Variants in CHCHD3 observed in about 807,000 individuals in gnomAD.
CHCHD3 encodes the protein MICOS complex subunit MIC19.
Under a neutral mutation model 38.2 loss-of-function variants are expected in CHCHD3, and 20 were observed. The ratio of observed to expected loss-of-function variants is 0.52; its 90% CI spans 0.37 to 0.76. CHCHD3 has a LOEUF of 0.76. CHCHD3 is among the 30% of genes least tolerant of loss of function. The probability of loss-of-function intolerance (pLI) is 0.00; values close to 1 mark genes in which losing one functional copy is unlikely to be tolerated. For synonymous variants in CHCHD3, 82 were observed against 100.0 expected (o/e 0.82, Z 1.07); for missense variants, 245 against 279.2 (o/e 0.88, Z 0.87).
At chr7:132,884,088 C>T (rs1809145252) in intron 5 of CHCHD3, among the ~76,000 whole-genome samples, 1 of 152,102 alleles carries the variant, frequency 6.6e-6, no homozygotes, top group African/African-American at 2.4e-5. Context: ...GAATTACTGC[C>T]GTAATTTCTT....
chr7:132,937,141 T>C (rs1480384695), intron 4 of CHCHD3, among the ~76,000 whole-genome samples: 1 of 152,180 alleles, frequency 6.6e-6, no homozygotes, highest in Non-Finnish European at 1.5e-5. Flanking sequence ...TTCATTCAGT[T>C]GTACAGTTTA....
At chr7:133,023,996 G>A (rs1297714360) in intron 3 of CHCHD3, among the ~76,000 whole-genome samples, 2 of 151,974 alleles carry the variant, frequency 1.3e-5, no homozygotes, top group East Asian at 3.9e-4. Flanking sequence ...TGTGTGCAGA[G>A]GAAAAAATCT....
At chr7:132,884,814 T>A (rs10954397) in intron 5 of CHCHD3, among the ~76,000 whole-genome samples, 30,474 of 152,134 alleles carry the variant, frequency 0.2, 3,442 homozygotes, top group South Asian at 0.27. Context: ...TCTGTCCAAT[T>A]CTAGACCCAT....
intron 4 of CHCHD3, among the ~76,000 whole-genome samples, chr7:132,954,117 G>C (rs1232098843): frequency 6.6e-6 from 1 of 152,152 alleles, no homozygotes; most frequent in Admixed American, 6.5e-5. Context: ...CAGGCAGAGG[G>C]ACAGGCAGGA....
intron 6 of CHCHD3, among the ~76,000 whole-genome samples, chr7:132,811,048 T>A (rs1325662429): frequency 1.3e-5 from 2 of 152,168 alleles, no homozygotes; most frequent in Non-Finnish European, 2.9e-5. Context: ...CCTTGGCTAA[T>A]GTGCTGGCCT....
intron 6 of CHCHD3, among the ~76,000 whole-genome samples, chr7:132,811,424 C>T (rs914602650): frequency 6.6e-6 from 1 of 152,254 alleles, no homozygotes; most frequent in African/African-American, 2.4e-5. Context: ...AAAGGAAATG[C>T]ATGTTAAATT....
At position 132,901,341 on chromosome 7, in the gene CHCHD3, TCA is replaced by T. The variant is rs748532221; in HGVS notation, c.370-15598_370-15597del. Among the ~76,000 whole-genome samples the T allele has an allele frequency of 9.8e-4, 149 of 151,974 alleles. 1 individual carries two copies. The highest frequency in any genetic ancestry group is 1.8e-3 in the Non-Finnish European group (123 of 67,948). ...GAAGAGAATGCGCTCAAAGCACGAGTCATCTGAATAGAAAGCAACAGCGCACA... is the reference window on the plus strand; with the variant it reads ...GAAGAGAATGCGCTCAAAGCACGAGTTCTGAATAGAAAGCAACAGCGCACA... On this transcript the variant is annotated intron_variant, in intron 4 of 7. Coordinates refer to ENST00000262570, the MANE Select transcript of CHCHD3 (RefSeq NM_017812.4).
At chr7:132,954,136 G>A (rs1175958710) in intron 4 of CHCHD3, among the ~76,000 whole-genome samples, 1 of 152,094 alleles carries the variant, frequency 6.6e-6, no homozygotes, top group East Asian at 1.9e-4. Context: ...GAGGGTTAGG[G>A]CAGCAGCAGG....
intron 3 of CHCHD3, among the ~76,000 whole-genome samples, chr7:133,004,978 C>T (rs1481960256): frequency 6.6e-6 from 1 of 151,842 alleles, no homozygotes; most frequent in Non-Finnish European, 1.5e-5. Flanking sequence ...ATTAAAAATA[C>T]ATTATAAAAG....
chr7:133,077,432 A>C (rs1050392972), intron 1 of CHCHD3, among the ~76,000 whole-genome samples: 1 of 152,194 alleles, frequency 6.6e-6, no homozygotes, highest in Admixed American at 6.5e-5. Context: ...TACGTTCCAT[A>C]TTAAGTATCC....
intron 3 of CHCHD3, among the ~76,000 whole-genome samples, chr7:133,017,239 C>T (rs893465733): frequency 6.6e-6 from 1 of 152,150 alleles, no homozygotes; most frequent in African/African-American, 2.4e-5. Flanking sequence ...ATGATGACAG[C>T]CTATATGATT....
chr7:132,998,874 T>C (rs576758795), intron 3 of CHCHD3, among the ~76,000 whole-genome samples: 179 of 152,272 alleles, frequency 1.2e-3, no homozygotes, highest in Middle Eastern at 0.01. Context: ...TTGCAAACAA[T>C]CCTGTCTTAA....
intron 5 of CHCHD3, 119 bp downstream of exon 5, chr7:132,885,543 C>T: frequency 5.3e-6 from 4 of 760,378 alleles, no homozygotes; most frequent in Non-Finnish European, 8.1e-6. Context: ...TGCTTCTTCA[C>T]TTCCTGGCCA....
chr7:132,878,696 A>G (rs1808975421), intron 5 of CHCHD3, among the ~76,000 whole-genome samples: 1 of 152,186 alleles, frequency 6.6e-6, no homozygotes, highest in African/African-American at 2.4e-5. Context: ...AAAGCAATCC[A>G]TGCCACACTG....
chr7:132,809,902 C>T (rs1807024804), intron 6 of CHCHD3, among the ~76,000 whole-genome samples: 1 of 152,168 alleles, frequency 6.6e-6, no homozygotes, highest in South Asian at 2.1e-4. Context: ...AACATAGAGG[C>T]TTTAAAAAAA....
intron 5 of CHCHD3, among the ~76,000 whole-genome samples, chr7:132,845,525 G>A (rs1043467887): frequency 2.6e-5 from 4 of 152,066 alleles, no homozygotes; most frequent in Non-Finnish European, 2.9e-5. Flanking sequence ...TAATAGCTAC[G>A]GAATTAACTA....
chr7:132,852,491 T>C (rs1036237785), intron 5 of CHCHD3, among the ~76,000 whole-genome samples: 16 of 152,194 alleles, frequency 1.1e-4, no homozygotes, highest in Non-Finnish European at 1.5e-5. Flanking sequence ...TGACCGAAAA[T>C]ATGATTATAG....
chr7:132,863,171 G>A (rs1192849801), intron 5 of CHCHD3, among the ~76,000 whole-genome samples: 1 of 152,170 alleles, frequency 6.6e-6, no homozygotes, highest in African/African-American at 2.4e-5. Flanking sequence ...ATCTATGGCA[G>A]ATATGGCCTT....
chr7:133,072,780 A>G lies in CHCHD3; in HGVS notation c.82-2551T>C, dbSNP rs1814862462. 2.0e-5 allele frequency among the ~76,000 whole-genome samples: 3 copies of G among 149,418 alleles called. No homozygotes were observed. The South Asian group carries it at 6.4e-4, about 32-fold the overall frequency. On this transcript the variant is annotated intron_variant, in intron 1 of 7. Transcript: ENST00000262570. ...CGTGAACCCGGGAGGCAGAGCTTGC[A>G]GTGAGATCGCGCCACAGCCTGGGCA...
Sources: allele counts gnomAD v4.1 joint callset (sites outside exome capture counted in the v4.1 genomes callset), GRCh38; gene constraint gnomAD v4.1.1; transcripts MANE v1.5; gene names NCBI Gene and HGNC (gene_info 2026-07-23, HGNC 2026-07-21).